SHISA5: variants seen among roughly 807,000 people sequenced by gnomAD.
The protein encoded by SHISA5 is protein shisa-5.
A neutral mutation model predicts 27.5 loss-of-function variants in SHISA5; 21 were observed. The ratio of observed to expected loss-of-function variants is 0.76; its 90% confidence interval spans 0.54 to 1.10. The LOEUF (loss-of-function observed/expected upper bound fraction) is 1.10, where lower values mean the gene tolerates loss of function less well. Among genes scored for constraint, SHISA5 ranks in the 50% least tolerant of loss-of-function variants. The pLI, the probability that SHISA5 is intolerant of heterozygous loss-of-function variation, is 0.00. For synonymous variants in SHISA5, 137 were observed against 142.2 expected, an observed-to-expected ratio of 0.96 and a Z score of 0.26; for missense variants, 314 against 336.3, an observed-to-expected ratio of 0.93 and a Z score of 0.52.
intron 2 of SHISA5, among the ~76,000 whole-genome samples, chr3:48,487,611 C>T (rs932094799): frequency 5.9e-5 from 9 of 152,032 alleles, no homozygotes; most frequent in African/African-American, 2.2e-4. Context: ...AAAAGAAATA[C>T]CAGCTGGGCG....
chr3:48,469,461 C>A lies in SHISA5; in HGVS notation c.543G>T (p.Pro181=), dbSNP rs771728626. Residue 181 remains proline, a synonymous_variant, in exon 5 of 6, where the codon CCG becomes CCT. Transcript: ENST00000296444. This position sits in a 1 kb window ranked among gnomAD's most constrained non-coding sequence, Gnocchi z 4.6. The part of the protein sequence containing the change: ...GPSYQGYHTM[P]PQPGMPAAPY... ...GTGCTGCTGGCATCCCTGGCTGAGG[C>A]GGCATGGTGTGGTAGCCCTGGTAGC... 1 of 1,613,666 alleles carries A rather than the reference C, an allele frequency of 6.2e-7. No homozygotes were observed. The highest frequency in any genetic ancestry group is 1.3e-5 in the African/African-American group (1 of 74,844).
chr3:48,483,760 CGGGGGGCTG>C (rs2041106473), intron 2 of SHISA5, among the ~76,000 whole-genome samples: 1 of 147,518 alleles, frequency 6.8e-6, no homozygotes, highest in South Asian at 2.1e-4. Flanking sequence ...GCTGGCCGGG[CGGGGGGCTG>C]ACCCCACCAC....
chr3:48,500,865 A>G (rs2041732472), intron 2 of SHISA5, among the ~76,000 whole-genome samples: 1 of 152,152 alleles, frequency 6.6e-6, no homozygotes, highest in South Asian at 2.1e-4. Context: ...TCACAGGACC[A>G]GCTGAGGCCA....
Position 48,494,573 on chromosome 3 carries a change from C to T in SHISA5, c.233+6564G>A, listed in dbSNP as rs976171164. Among the ~76,000 whole-genome samples, 143 of 147,652 alleles carry T rather than the reference C, an allele frequency of 9.7e-4. 23 individuals are homozygous for T. The highest frequency in any genetic ancestry group is 3.5e-3 in the African/African-American group (131 of 37,492). ...CCTCCCAAAGTGCTGGGATTACAGG[C>T]GTGAGCCACTGCACCCAGCCAATTT... On this transcript the variant is annotated intron_variant, in intron 2 of 5. Coordinates refer to ENST00000296444, the MANE Select transcript of SHISA5 (RefSeq NM_016479.6).
At position 48,468,477 on chromosome 3, in the gene SHISA5, G is replaced by A; in HGVS notation, c.*630C>T. 1 of 1,180,622 alleles carries A rather than the reference G, an allele frequency of 8.5e-7. No homozygotes were observed. Among genetic ancestry groups the A allele is most frequent in the Non-Finnish European group, 1.1e-6 (1 of 939,366 alleles). 73.1% of individuals were successfully genotyped at this position (1,180,622 alleles called of 1,614,324 possible). A position where few individuals can be genotyped will look rare whatever the true frequency, so the allele number is the denominator to read the frequency against. ...AGCTGAGTAGGGCTCTGCCTGAGGT[G>A]TTCTGGCATCAGGAGGCTGCCTGAT... On this transcript the variant is annotated 3_prime_UTR_variant, in exon 6 of 6. Coordinates refer to ENST00000296444, the MANE Select transcript of SHISA5 (RefSeq NM_016479.6).
At chr3:48,482,241 C>A (rs1015248289) in intron 2 of SHISA5, among the ~76,000 whole-genome samples, 1 of 151,712 alleles carries the variant, frequency 6.6e-6, no homozygotes, top group Admixed American at 6.6e-5. Context: ...ACAAGACTAA[C>A]CACGAAAAAG....
chr3:48,479,990 G>A (rs1290509734), intron 2 of SHISA5, among the ~76,000 whole-genome samples: 4 of 150,344 alleles, frequency 2.7e-5, no homozygotes, highest in South Asian at 2.1e-4. Flanking sequence ...TGCAAGCTCC[G>A]CCTCCCGGCT....
rs35955467 is a variant in SHISA5 at position 48,479,905 on chromosome 3, G to GTT, written c.234-650_234-649dup. Among the ~76,000 whole-genome samples, 24 of 122,078 alleles carry GTT rather than the reference G, an allele frequency of 2.0e-4. 1 individual carries two copies. Among genetic ancestry groups the GTT allele is most frequent in the African/African-American group, 2.4e-4 (8 of 33,514 alleles). The allele number at this position is 122,078 out of a possible 152,430, so 80.1% of individuals were successfully genotyped here. ...CACACCTGGCCTACATTTCCACAAA[G>GTT]TTTTTTTTTTTTTTTTGAGACAGAG... On this transcript the variant is annotated intron_variant, in intron 2 of 5. Coordinates refer to ENST00000296444, the MANE Select transcript of SHISA5 (RefSeq NM_016479.6).
intron 3 of SHISA5, among the ~76,000 whole-genome samples, chr3:48,475,209 A>G (rs766649442): frequency 5.9e-5 from 9 of 152,184 alleles, no homozygotes; most frequent in Non-Finnish European, 1.0e-4. Flanking sequence ...GTGACCTTAG[A>G]AAACCAAGCA....
intron 1 of SHISA5, 40 bp downstream of exon 1, chr3:48,503,979 G>C: frequency 6.9e-7 from 1 of 1,451,420 alleles, no homozygotes; most frequent in Non-Finnish European, 9.1e-7. Context: ...GTGTCTGCCC[G>C]GTCCCAGGGC....
chr3:48,504,014 C>T lies in SHISA5; in HGVS notation c.76+5G>A. 6.8e-7 allele frequency: 1 copy of T among 1,468,172 alleles called. No individual in the cohort carries two copies. The highest frequency in any genetic ancestry group is 9.0e-7 in the Non-Finnish European group (1 of 1,107,552). The allele number at this position is 1,468,172 out of a possible 1,614,324, so 90.9% of individuals were successfully genotyped here. A position where few individuals can be genotyped will look rare whatever the true frequency, so the allele number is the denominator to read the frequency against. On this transcript the variant is annotated splice_donor_5th_base_variant and intron_variant, in intron 1 of 5. Coordinates refer to ENST00000296444, the MANE Select transcript of SHISA5 (RefSeq NM_016479.6). The surrounding 1 kb of genome is among the most constrained non-coding windows in gnomAD (Gnocchi z 4.0). Reference sequence around the variant, plus strand: ...CAGGACGGGCCGCCCCCACCCCCGGCTCACCACCCGGAGGCGGCGTTAGCA... The same window carrying T: ...CAGGACGGGCCGCCCCCACCCCCGGTTCACCACCCGGAGGCGGCGTTAGCA...
Position 48,473,336 on chromosome 3 carries a change from C to T in SHISA5, c.315-3493G>A, listed in dbSNP as rs2040710915. On this transcript the variant is annotated intron_variant, in intron 3 of 5. Transcript: ENST00000296444. The surrounding 1 kb of genome is among the most constrained non-coding windows in gnomAD (Gnocchi z 4.3). ...TACAGGGCCTGACCTCAGAATGCAG[C>T]CTGGCCACTAGGGGGTCTAAGAGCC... 5.8e-6 allele frequency: 8 copies of T among 1,381,834 alleles called. No individual in the cohort carries two copies. The Admixed American group carries it at 1.6e-4, about 27-fold the overall frequency. The allele number at this position is 1,381,834 out of a possible 1,614,324, so 85.6% of individuals were successfully genotyped here.
rs1230138508 is a variant in SHISA5 at position 48,492,144 on chromosome 3, C to A, written c.233+8993G>T. On this transcript the variant is annotated intron_variant, in intron 2 of 5. Transcript: ENST00000296444. ...CTCCAGCCGGGAACAGAGCAAGACT[C>A]CATCTCAAAAAAAAAAAAAAAAAAA... is the stretch of plus-strand genomic sequence containing the variant. Among the ~76,000 whole-genome samples, 4 of 95,334 alleles carry A rather than the reference C, an allele frequency of 4.2e-5. No individual in the cohort carries two copies. In the Admixed American group the frequency reaches 4.4e-4, roughly 11 times the overall value. The allele number at this position is 95,334 out of a possible 152,430, so 62.5% of individuals were successfully genotyped here.
At position 48,469,913 on chromosome 3, in the gene SHISA5, G is replaced by C. The variant is rs1342404802; in HGVS notation, c.315-70C>G. ...AGACCAGCATCCACACCTTCCCAAG[G>C]CATGCCCCTCTTGCCAGAAGGGGTC... On this transcript the variant is annotated intron_variant, in intron 3 of 5. Transcript: ENST00000296444. The surrounding 1 kb of genome is among the most constrained non-coding windows in gnomAD (Gnocchi z 4.6). The C allele has an allele frequency of 2.6e-6, 4 of 1,555,886 alleles. No individual in the cohort carries two copies. Among genetic ancestry groups the C allele is most frequent in the Non-Finnish European group, 2.6e-6 (3 of 1,147,844 alleles).
Position 48,473,614 on chromosome 3 carries a change from G to C in SHISA5, c.315-3771C>G. 1 of 1,210,230 alleles carries C rather than the reference G, an allele frequency of 8.3e-7. No individual in the cohort carries two copies. Among genetic ancestry groups the C allele is most frequent in the Non-Finnish European group, 1.1e-6 (1 of 947,320 alleles). 75.0% of individuals were successfully genotyped at this position (1,210,230 alleles called of 1,614,324 possible). The stretch of plus-strand genomic sequence containing the variant: ...CCATGTTCTCCCGGCCACCCTACTG[G>C]GGCCACCATGCAAGGTCCATCATGT... On this transcript the variant is annotated intron_variant, in intron 3 of 5. Transcript: ENST00000296444. The surrounding 1 kb of genome is among the most constrained non-coding windows in gnomAD (Gnocchi z 4.3).
In SHISA5 at chr3:48,478,548, TC is replaced by T. The variant is rs574072422; in HGVS notation, c.314+628del. On this transcript the variant is annotated intron_variant, in intron 3 of 5. Transcript: ENST00000296444. The stretch of plus-strand genomic sequence containing the variant: ...CACCCATTCCACCTCCAGGAAGATG[TC>T]ACAACTCCTGTTACGGTGGCAATAA... 3.8e-4 allele frequency among the ~76,000 whole-genome samples: 57 copies of T among 151,910 alleles called. No individual in the cohort carries two copies. The South Asian group carries it at 9.8e-3, about 26-fold the overall frequency.
In SHISA5 at chr3:48,469,611, C is replaced by A; in HGVS notation, c.431-38G>T. 3 of 1,594,966 alleles carry A rather than the reference C, an allele frequency of 1.9e-6. No homozygotes were observed. The highest frequency in any genetic ancestry group is 1.3e-5 in the African/African-American group (1 of 74,798). ...TTCCAGTCAGGACCCTCCTCCATCT[C>A]CCCAGGTCTTGAGAGCCAGGCTTGC... is the stretch of plus-strand genomic sequence containing the variant. On this transcript the variant is annotated intron_variant, in intron 4 of 5. Coordinates refer to ENST00000296444, the MANE Select transcript of SHISA5 (RefSeq NM_016479.6). The surrounding 1 kb of genome is among the most constrained non-coding windows in gnomAD (Gnocchi z 4.6).
At chr3:48,476,448 G>C (rs2040828765) in intron 3 of SHISA5, among the ~76,000 whole-genome samples, 1 of 152,154 alleles carries the variant, frequency 6.6e-6, no homozygotes, top group Admixed American at 6.5e-5. Flanking sequence ...GCAGAGCTGG[G>C]GTGGGGCTCC....
chr3:48,478,807 A>G (rs1427966909), intron 3 of SHISA5, among the ~76,000 whole-genome samples: 2 of 151,878 alleles, frequency 1.3e-5, no homozygotes, highest in African/African-American at 4.8e-5. Flanking sequence ...GCCCAATCAC[A>G]ATATACCCGC....
Sources: allele counts gnomAD v4.1 joint callset (sites outside exome capture counted in the v4.1 genomes callset), GRCh38; gene constraint gnomAD v4.1.1; non-coding constraint Gnocchi (gnomAD v3.1); transcripts MANE v1.5; gene names NCBI Gene and HGNC (gene_info 2026-07-23, HGNC 2026-07-21).